Variants in KHDRBS1 observed in about 807,000 individuals in gnomAD.
The protein encoded by KHDRBS1 is KH RNA binding domain containing, signal transduction associated 1.
KHDRBS1 carries 7 observed loss-of-function variants against 48.4 expected under a neutral mutation model. The observed-to-expected ratio is 0.14, with a 90% CI of 0.08 to 0.27. The LOEUF (loss-of-function observed/expected upper bound fraction) is 0.27, where lower values mean the gene tolerates loss of function less well. Ranked by LOEUF, KHDRBS1 falls within the 10% of genes least tolerant of loss-of-function variation. KHDRBS1 has a pLI of 1.00. For synonymous variants in KHDRBS1, 241 were observed against 235.8 expected (o/e 1.02, Z -0.20); for missense variants, 458 against 601.2 (o/e 0.76, Z 2.49).
chr1:32,047,831 C>A (rs961735621), downstream of KHDRBS1, among the ~76,000 whole-genome samples: 1 of 152,126 alleles, frequency 6.6e-6, no homozygotes, highest in African/African-American at 2.4e-5. Context: ...AAAAACAAAT[C>A]TTATATCTGC....
intron 5 of KHDRBS1, 104 bp downstream of exon 5, chr1:32,037,147 T>A (rs1371231837): frequency 7.1e-6 from 9 of 1,272,650 alleles, no homozygotes; most frequent in Non-Finnish European, 9.8e-6. Context: ...TCTCAGGATT[T>A]GTATGTTGCA....
chr1:32,019,050 G>A (rs1169227871), intron 1 of KHDRBS1, among the ~76,000 whole-genome samples: 3 of 146,622 alleles, frequency 2.0e-5, no homozygotes, highest in Admixed American at 6.8e-5. Flanking sequence ...AGCCGAGATT[G>A]CGCCGCCACT....
At chr1:32,031,887 A>G (rs1639086619) in intron 3 of KHDRBS1, among the ~76,000 whole-genome samples, 2 of 152,230 alleles carry the variant, frequency 1.3e-5, no homozygotes, top group South Asian at 4.1e-4. Context: ...TAATGGAAAC[A>G]GCAGTAGCAT....
In KHDRBS1 at chr1:32,028,500, CTT is replaced by C. The variant is rs1235962364; in HGVS notation, c.383-1779_383-1778del. Among the ~76,000 whole-genome samples the C allele has an allele frequency of 5.1e-3, 627 of 123,298 alleles. 5 individuals carry two copies. The highest frequency in any genetic ancestry group is 0.02 in the African/African-American group (595 of 29,516). 80.9% of individuals were successfully genotyped at this position (123,298 alleles called of 152,430 possible). On this transcript the variant is annotated intron_variant, in intron 1 of 8. Coordinates refer to ENST00000327300, the MANE Select transcript of KHDRBS1 (RefSeq NM_006559.3). ...CACGTATATATATATACTATATATA[CTT>C]TTTTTTTTTTTTTTTTTTGAGACAG...
chr1:32,047,139 C>CT (rs904011242), downstream of KHDRBS1, among the ~76,000 whole-genome samples: 1 of 152,142 alleles, frequency 6.6e-6, no homozygotes, highest in African/African-American at 2.4e-5. Context: ...CTGTAAAATT[C>CT]TATCACTCAC....
chr1:32,019,923 C>G (rs780136940), intron 1 of KHDRBS1, among the ~76,000 whole-genome samples: 3 of 152,028 alleles, frequency 2.0e-5, no homozygotes, highest in Admixed American at 6.5e-5. Context: ...AGGCGCCCAC[C>G]ACCATGCCCG....
rs1175400219 is a variant in KHDRBS1 at position 32,037,996 on chromosome 1, C to T, written c.1067C>T (p.Pro356Leu). 1 of 1,614,066 alleles carries T rather than the reference C, an allele frequency of 6.2e-7. No individual in the cohort carries two copies. The highest frequency in any genetic ancestry group is 8.5e-7 in the Non-Finnish European group (1 of 1,180,040). The change falls in exon 6 of 9, where the codon CCT becomes CTT. Residue 356 changes from proline to leucine, a missense_variant. Physicochemically the swap from Pro to Leu is moderately conservative, Grantham distance 98. Coordinates refer to ENST00000327300, the MANE Select transcript of KHDRBS1 (RefSeq NM_006559.3). ...RARTAGIQRI[P>L]LPPPPAPETY... ...CGGACAGCGGGCATCCAGAGGATACCTTTGCCTCCACCTCCTGCACCAGAA... is the reference window on the plus strand; with the variant it reads ...CGGACAGCGGGCATCCAGAGGATACTTTTGCCTCCACCTCCTGCACCAGAA...
downstream of KHDRBS1, chr1:32,045,224 T>C (rs1639343911): frequency 6.5e-6 from 1 of 152,682 alleles, no homozygotes; most frequent in African/African-American, 2.4e-5. Flanking sequence ...AAGTTGCATG[T>C]TTCTCCTGTA....
chr1:32,022,459 T>C (rs546611505), intron 1 of KHDRBS1, among the ~76,000 whole-genome samples: 2 of 152,236 alleles, frequency 1.3e-5, no homozygotes, highest in South Asian at 2.1e-4. Context: ...GAACCAAGTA[T>C]AGTGGGAGTC....
chr1:32,038,174 G>C, intron 6 of KHDRBS1, 138 bp downstream of exon 6: 1 of 1,343,638 alleles, frequency 7.4e-7, no homozygotes, highest in Non-Finnish European at 1.0e-6. Flanking sequence ...CTCTTGCAGT[G>C]AATGTTGAAC....
chr1:32,059,168 A>G (rs1432935741), intron 10 of KHDRBS1, among the ~76,000 whole-genome samples: 1 of 150,792 alleles, frequency 6.6e-6, no homozygotes, highest in Non-Finnish European at 1.5e-5. Flanking sequence ...CTCAGGAGAA[A>G]AAAAAAAAAA....
At chr1:32,038,761 C>T (rs1569806743) in intron 7 of KHDRBS1, 142 bp downstream of exon 7, 1 of 709,848 alleles carries the variant, frequency 1.4e-6, no homozygotes, top group South Asian at 1.7e-5. Context: ...CCCCCACAGT[C>T]CTGACTGGTC....
chr1:32,059,634 G>A (rs188843067), intron 10 of KHDRBS1, among the ~76,000 whole-genome samples: 4 of 152,074 alleles, frequency 2.6e-5, no homozygotes, highest in Admixed American at 1.3e-4. Context: ...TTTAAGATGC[G>A]TCTCCTCTAG....
At chr1:32,026,315 T>C (rs1638969912) in intron 1 of KHDRBS1, among the ~76,000 whole-genome samples, 1 of 151,966 alleles carries the variant, frequency 6.6e-6, no homozygotes, top group South Asian at 2.1e-4. Context: ...CATACCACCA[T>C]GCCTGACTAA....
chr1:32,035,885 G>A (rs1481931695), intron 4 of KHDRBS1, among the ~76,000 whole-genome samples: 5 of 152,090 alleles, frequency 3.3e-5, no homozygotes, highest in Non-Finnish European at 7.4e-5. Flanking sequence ...GAGTTGTAGG[G>A]GTGGCATCAA....
At position 32,058,909 on chromosome 1, in the gene KHDRBS1, C is replaced by T. The variant is rs2001957; in HGVS notation, n.1302-1254C>T. ...TGGCTCATGCCTGTAATAATCCTAGCGCTTTGGGAGACCGAGGTGGGCGGA... is the reference window on the plus strand; with the variant it reads ...TGGCTCATGCCTGTAATAATCCTAGTGCTTTGGGAGACCGAGGTGGGCGGA... On this transcript the variant is annotated intron_variant and non_coding_transcript_variant, in intron 10 of 10. Coordinates refer to the KHDRBS1 transcript ENST00000484270. Among the ~76,000 whole-genome samples, 768 of 152,184 alleles carry T rather than the reference C, an allele frequency of 5.0e-3. 7 individuals are homozygous for T. The highest frequency in any genetic ancestry group is 0.018 in the African/African-American group (742 of 41,530).
intron 10 of KHDRBS1, among the ~76,000 whole-genome samples, chr1:32,056,953 C>G (rs1260592278): frequency 1.3e-5 from 2 of 151,210 alleles, no homozygotes; most frequent in Non-Finnish European, 2.9e-5. Context: ...AACAGATAAT[C>G]TCATAAATAA....
At chr1:32,019,300 A>G (rs1048119530) in intron 1 of KHDRBS1, among the ~76,000 whole-genome samples, 38 of 152,208 alleles carry the variant, frequency 2.5e-4, no homozygotes, top group African/African-American at 8.4e-4. Flanking sequence ...CTGTAATCCC[A>G]GCATTTTGGG....
intron 3 of KHDRBS1, among the ~76,000 whole-genome samples, chr1:32,032,851 G>A (rs757729130): frequency 2.6e-5 from 4 of 152,048 alleles, no homozygotes; most frequent in African/African-American, 4.8e-5. Flanking sequence ...CACCATGCCC[G>A]GCTAATTTTT....
Sources: gnomAD v4.1 joint callset for allele counts (sites outside exome capture counted in the v4.1 genomes callset) on GRCh38, gnomAD v4.1.1 for gene constraint, MANE v1.5 for transcripts, NCBI Gene and HGNC (gene_info 2026-07-23, HGNC 2026-07-21) for gene names.